CCDC61: variants seen among roughly 807,000 people sequenced by gnomAD.
CCDC61 encodes coiled-coil domain containing 61.
CCDC61 carries 55 observed loss-of-function variants against 63.0 expected under a neutral mutation model. The observed-to-expected ratio is 0.87, with a 90% CI of 0.70 to 1.09. The LOEUF is 1.09. CCDC61 is among the 50% of genes least tolerant of loss of function. CCDC61 has a pLI of 0.00. For missense variants in CCDC61, 651 were observed against 731.4 expected, an observed-to-expected ratio of 0.89 and a Z score of 1.27; for synonymous variants, 270 against 317.0, an observed-to-expected ratio of 0.85 and a Z score of 1.58.
At position 46,015,308 on chromosome 19, in the gene CCDC61, C is replaced by A. The variant is rs750585981; in HGVS notation, c.763-37C>A. On this transcript the variant is annotated intron_variant, in intron 6 of 13. Coordinates refer to ENST00000595358, the MANE Select transcript of CCDC61 (RefSeq NM_001267723.2). The surrounding 1 kb of genome is among the most constrained non-coding windows in gnomAD (Gnocchi z 5.3). ...GCCAGCGAGGCGCGGACCTCGGCCTCAGCCTGGACCTCCGCGCCCCTCTCC... is the reference window on the plus strand; with the variant it reads ...GCCAGCGAGGCGCGGACCTCGGCCTAAGCCTGGACCTCCGCGCCCCTCTCC... The A allele has an allele frequency of 1.3e-6, 2 of 1,579,294 alleles. No individual in the cohort carries two copies. Among genetic ancestry groups the A allele is most frequent in the African/African-American group, 1.4e-5 (1 of 73,652 alleles).
At chr19:46,000,817 C>T (rs1968576250) in intron 1 of CCDC61, among the ~76,000 whole-genome samples, 2 of 63,416 alleles carry the variant, frequency 3.2e-5, no homozygotes, top group South Asian at 1.1e-3. Context: ...GGGATCAGGG[C>T]GGGGTGGGGG....
At chr19:45,997,915 G>A (rs1568685237) in intron 1 of CCDC61, among the ~76,000 whole-genome samples, 1 of 151,966 alleles carries the variant, frequency 6.6e-6, no homozygotes, top group Non-Finnish European at 1.5e-5. Context: ...TCGAACTCCT[G>A]ACCTCAAGTG....
intron 5 of CCDC61, among the ~76,000 whole-genome samples, chr19:46,012,814 A>ATATAGTTTAGTTGTATCTCTTT (rs574894285): frequency 0.013 from 2,006 of 151,740 alleles, 18 homozygotes; most frequent in Middle Eastern, 0.027. Flanking sequence ...TCCCTAAACA[A>ATATAGTTTAGTTGTATCTCTTT]TATAGTTTAG....
rs186418677 is a variant in CCDC61 at position 46,006,233 on chromosome 19, C to T, written c.232-326C>T. 2.6e-4 allele frequency among the ~76,000 whole-genome samples: 40 copies of T among 152,302 alleles called. 1 individual carries two copies. The highest frequency in any genetic ancestry group is 7.8e-4 in the Admixed American group (12 of 15,292). ...ACACAGTGAAAAAGACAAATGACGT[C>T]TTTGTATTATTATGAAAGTAGCTTT... On this transcript the variant is annotated intron_variant, in intron 3 of 13. Coordinates refer to ENST00000595358, the MANE Select transcript of CCDC61 (RefSeq NM_001267723.2).
At chr19:46,006,416 G>A (rs1968710479) in intron 3 of CCDC61, 143 bp from the exon 4 acceptor site, 2 of 684,052 alleles carry the variant, frequency 2.9e-6, no homozygotes, top group South Asian at 4.5e-5. Flanking sequence ...CCCTAGGACA[G>A]GGCCATGTTG....
chr19:46,000,068 AG>A, intron 1 of CCDC61: 1 of 984,942 alleles, frequency 1.0e-6, no homozygotes, highest in Non-Finnish European at 1.2e-6. Flanking sequence ...GTAGAGGGAC[AG>A]GGTCAGCGGC....
intron 4 of CCDC61, among the ~76,000 whole-genome samples, chr19:46,007,354 C>T (rs1474213054): frequency 6.6e-6 from 1 of 152,126 alleles, no homozygotes; most frequent in Non-Finnish European, 1.5e-5. Flanking sequence ...CCGGCTTGGC[C>T]TTTTGACTTC....
rs1243877113 is a variant in CCDC61, at chr19:46,018,052, C to T, written c.1369-26C>T. 3 of 1,589,144 alleles carry T rather than the reference C, an allele frequency of 1.9e-6. No homozygotes were observed. The highest frequency in any genetic ancestry group is 2.3e-5 in the South Asian group (2 of 87,214). On this transcript the variant is annotated intron_variant, in intron 12 of 13. Coordinates refer to ENST00000595358, the MANE Select transcript of CCDC61 (RefSeq NM_001267723.2). The surrounding 1 kb of genome is among the most constrained non-coding windows in gnomAD (Gnocchi z 4.2). ...AGAAATAGAGGGACGGTGGGTGACC[C>T]CCTTTCCTACCTTCCCCATCACCAG...
At chr19:46,005,463 T>C (rs1277434687) in intron 3 of CCDC61, among the ~76,000 whole-genome samples, 1 of 152,224 alleles carries the variant, frequency 6.6e-6, no homozygotes. Flanking sequence ...ACATCATGCA[T>C]TGGTCATTTG....
At chr19:46,004,987 C>G (rs576618659) in intron 3 of CCDC61, among the ~76,000 whole-genome samples, 11 of 151,294 alleles carry the variant, frequency 7.3e-5, no homozygotes, top group African/African-American at 2.7e-4. Flanking sequence ...TACAGGCCTG[C>G]CCACCATGCC....
In CCDC61 at chr19:46,017,266, A is replaced by G; in HGVS notation, c.1330A>G (p.Lys444Glu). ...TCTCAGGGGTCACCGCCGCCGTGGG[A>G]AGCCTCCCAGCCCAACGCCCTGGAG... ...LSRGGHRRRG[K>E]PPSPTPWSGS... Residue 444 changes from lysine to glutamate, a missense_variant, in exon 12 of 14, where the codon AAG (lysine) becomes GAG (glutamate). Transcript: ENST00000595358. The G allele has an allele frequency of 6.4e-7, 1 of 1,566,722 alleles. No homozygotes were observed. Among genetic ancestry groups the G allele is most frequent in the South Asian group, 1.2e-5 (1 of 84,998 alleles).
At chr19:46,008,354 C>A in intron 5 of CCDC61, 53 bp downstream of exon 5, 2 of 943,562 alleles carry the variant, frequency 2.1e-6, no homozygotes, top group Non-Finnish European at 3.2e-6. Context: ...TCCCATCATG[C>A]ACCGCGGGGC....
intron 5 of CCDC61, among the ~76,000 whole-genome samples, chr19:46,010,556 C>G (rs1178871195): frequency 2.0e-5 from 3 of 151,988 alleles, no homozygotes; most frequent in African/African-American, 7.3e-5. Flanking sequence ...CTGGCTGGAG[C>G]CTGTGGGAGA....
intron 1 of CCDC61, among the ~76,000 whole-genome samples, chr19:45,996,902 A>G (rs1968503138): frequency 6.6e-6 from 1 of 152,082 alleles, no homozygotes; most frequent in Non-Finnish European, 1.5e-5. Context: ...TCTCACTGTT[A>G]GGGGGATACT....
rs1274216249 is a variant in CCDC61, at chr19:46,016,945, G to A, written c.1232-46G>A. 2 of 1,566,868 alleles carry A rather than the reference G, an allele frequency of 1.3e-6. No homozygotes were observed. Among genetic ancestry groups the A allele is most frequent in the East Asian group, 4.7e-5 (2 of 42,444 alleles). On this transcript the variant is annotated intron_variant, in intron 10 of 13. Coordinates refer to ENST00000595358, the MANE Select transcript of CCDC61 (RefSeq NM_001267723.2). This position sits in a 1 kb window ranked among gnomAD's most constrained non-coding sequence, Gnocchi z 7.2. ...GCTGGGAGGGCCTGGGAAGCACTGGGCGGGGCCAGCGAGGGCCAGCGGTCA... is the reference window on the plus strand; with the variant it reads ...GCTGGGAGGGCCTGGGAAGCACTGGACGGGGCCAGCGAGGGCCAGCGGTCA...
chr19:46,007,841 A>G (rs1365878842), intron 4 of CCDC61, among the ~76,000 whole-genome samples: 1 of 152,210 alleles, frequency 6.6e-6, no homozygotes. Context: ...GGCTGCAAGT[A>G]ACATGATACC....
intron 5 of CCDC61, among the ~76,000 whole-genome samples, chr19:46,009,835 T>TGTGTGTGTGTGTGTGTGCGCGCGCGCGC (rs1568692953): frequency 6.6e-6 from 1 of 151,632 alleles, no homozygotes; most frequent in African/African-American, 2.4e-5. Flanking sequence ...TGTGTGTGTG[T>TGTGTGTGTGTGTGTGTGCGCGCGCGCGC]GTGCGCGCGC....
chr19:46,017,545 T>G, intron 12 of CCDC61, among the ~76,000 whole-genome samples: 1 of 151,764 alleles, frequency 6.6e-6, no homozygotes, highest in South Asian at 2.1e-4. Flanking sequence ...GACTAGGCTT[T>G]TTTGGGGGGG....
chr19:45,996,333 C>G (rs1318364385), intron 1 of CCDC61: 1 of 152,212 alleles, frequency 6.6e-6, no homozygotes, highest in Non-Finnish European at 1.5e-5. Context: ...ATAAACTTGT[C>G]CCAAACCAAT....
Sources: gnomAD v4.1 joint callset for allele counts (sites outside exome capture counted in the v4.1 genomes callset) on GRCh38, gnomAD v4.1.1 for gene constraint, Gnocchi (gnomAD v3.1) non-coding constraint, MANE v1.5 for transcripts, NCBI Gene and HGNC (gene_info 2026-07-23, HGNC 2026-07-21) for gene names.